INTS9: variants seen among roughly 807,000 people sequenced by gnomAD.
The protein encoded by INTS9 is integrator complex subunit 9.
A neutral mutation model predicts 79.7 loss-of-function variants in INTS9; 55 were observed. The ratio of observed to expected loss-of-function variants is 0.69; its 90% CI spans 0.56 to 0.86. The LOEUF is 0.86. Ranked by LOEUF, INTS9 falls within the 40% of genes least tolerant of loss-of-function variation. The pLI, the probability that INTS9 is intolerant of heterozygous loss-of-function variation, is 0.00. For synonymous variants in INTS9, 319 were observed against 325.2 expected, an observed-to-expected ratio of 0.98 and a Z score of 0.20; for missense variants, 721 against 831.5, an observed-to-expected ratio of 0.87 and a Z score of 1.64.
intron 12 of INTS9, among the ~76,000 whole-genome samples, chr8:28,778,245 C>T (rs1006944026): frequency 4.6e-5 from 7 of 152,274 alleles, no homozygotes; most frequent in Admixed American, 2.0e-4. Flanking sequence ...AAGAAACAAA[C>T]GATGAAATAA....
At position 28,812,334 on chromosome 8, in the gene INTS9, T is replaced by G; in HGVS notation, c.737A>C (p.His246Pro). The G allele has an allele frequency of 3.1e-6, 5 of 1,613,664 alleles. No homozygotes were observed. Among genetic ancestry groups the G allele is most frequent in the Non-Finnish European group, 4.2e-6 (5 of 1,179,844 alleles). ...YVSGSSLLTTHPQPMDQASLK... is the reference protein window; with the variant it reads ...YVSGSSLLTTPPQPMDQASLK... ...AAGAGAATTTGGAATTACCTGGGGGTGTGTGGTAAGCAAGGAGGATCCAGA... is the reference window on the plus strand; with the variant it reads ...AAGAGAATTTGGAATTACCTGGGGGGGTGTGGTAAGCAAGGAGGATCCAGA... The change falls in exon 8 of 17, where the codon CAC becomes CCC. Residue 246 changes from histidine to proline, a missense_variant. Transcript: ENST00000521022.
At chr8:28,805,100 T>C (rs1293002070) in intron 8 of INTS9, among the ~76,000 whole-genome samples, 2 of 152,152 alleles carry the variant, frequency 1.3e-5, no homozygotes, top group African/African-American at 4.8e-5. Flanking sequence ...TTAAAGGAAA[T>C]TGGAAGATCT....
chr8:28,846,960 T>C, intron 3 of INTS9, 151 bp from the exon 4 acceptor site: 1 of 652,344 alleles, frequency 1.5e-6, no homozygotes, highest in Non-Finnish European at 2.7e-6. Context: ...GACTGTCCTA[T>C]GTTTAGGCTT....
At chr8:28,883,488 G>A (rs945489043) in intron 1 of INTS9, among the ~76,000 whole-genome samples, 1 of 152,184 alleles carries the variant, frequency 6.6e-6, no homozygotes, top group Non-Finnish European at 1.5e-5. Context: ...TGGCAAGGGT[G>A]GGGAAAATGC....
At chr8:28,886,590 T>A (rs1810188176) in intron 1 of INTS9, among the ~76,000 whole-genome samples, 1 of 152,222 alleles carries the variant, frequency 6.6e-6, no homozygotes, top group African/African-American at 2.4e-5. Context: ...AGCTAATTTT[T>A]AAAAATAGCC....
At chr8:28,858,291 C>T (rs1808280816) in intron 2 of INTS9, among the ~76,000 whole-genome samples, 1 of 152,152 alleles carries the variant, frequency 6.6e-6, no homozygotes, top group Admixed American at 6.5e-5. Flanking sequence ...CCCTGATAGA[C>T]TAAGTTCCAT....
intron 10 of INTS9, among the ~76,000 whole-genome samples, chr8:28,790,457 A>G (rs187610744): frequency 2.0e-5 from 3 of 152,294 alleles, no homozygotes; most frequent in Admixed American, 2.0e-4. Context: ...CCTCCCGAGT[A>G]GCTGGAACTA....
At chr8:28,805,407 C>T (rs937586084) in intron 8 of INTS9, among the ~76,000 whole-genome samples, 12 of 152,218 alleles carry the variant, frequency 7.9e-5, no homozygotes, top group Admixed American at 7.9e-4. Flanking sequence ...CTTACCACTT[C>T]AAGACCCTCT....
intron 5 of INTS9, 66 bp from the exon 6 acceptor site, chr8:28,835,444 CAG>C: frequency 8.6e-7 from 1 of 1,158,828 alleles, no homozygotes; most frequent in African/African-American, 1.5e-5. Context: ...CATACTCTAA[CAG>C]TTGGCCAGGA....
In INTS9 at chr8:28,850,203, TAGA is replaced by T; in HGVS notation, c.198+7_198+9del. The T allele has an allele frequency of 1.2e-6, 2 of 1,611,084 alleles. No individual in the cohort carries two copies. The highest frequency in any genetic ancestry group is 1.7e-6 in the Non-Finnish European group (2 of 1,177,410). On this transcript the variant is annotated splice_region_variant and intron_variant, in intron 3 of 16. Coordinates refer to ENST00000521022, the MANE Select transcript of INTS9 (RefSeq NM_018250.4). ...GTAGATAGGCTTTAGTTTGTAGTCT[TAGA>T]TATTACCTTGTCCAAGAAAGCATTT...
intron 4 of INTS9, among the ~76,000 whole-genome samples, chr8:28,845,298 G>A (rs1269176978): frequency 6.6e-6 from 1 of 152,164 alleles, no homozygotes; most frequent in Non-Finnish European, 1.5e-5. Flanking sequence ...AGTGAAGACT[G>A]GGCTATAATA....
At chr8:28,806,864 G>T (rs1316962648) in intron 8 of INTS9, among the ~76,000 whole-genome samples, 1 of 152,000 alleles carries the variant, frequency 6.6e-6, no homozygotes, top group Non-Finnish European at 1.5e-5. Context: ...ATGTAACAGA[G>T]TAAAATTATA....
At chr8:28,843,926 G>C (rs529681434) in intron 4 of INTS9, among the ~76,000 whole-genome samples, 6 of 152,162 alleles carry the variant, frequency 3.9e-5, no homozygotes, top group African/African-American at 1.4e-4. Flanking sequence ...CTTCGTATGG[G>C]TCCCATGGTT....
chr8:28,883,637 C>A (rs1047457877), intron 1 of INTS9, among the ~76,000 whole-genome samples: 1 of 152,274 alleles, frequency 6.6e-6, no homozygotes, highest in East Asian at 1.9e-4. Flanking sequence ...TGAGCCTGAG[C>A]CCAAGGGTAT....
chr8:28,866,458 C>T (rs1416647781), intron 1 of INTS9, among the ~76,000 whole-genome samples: 1 of 152,116 alleles, frequency 6.6e-6, no homozygotes, highest in Non-Finnish European at 1.5e-5. Flanking sequence ...ACTCTCAACA[C>T]TCTTAAAGCA....
Position 28,851,358 on chromosome 8 carries a change from T to C in INTS9, c.138-1085A>G, listed in dbSNP as rs923741541. ...AATCTTTTAGAAATGGTGAAAAACC[T>C]GAATAAAATATAAATGCATCTATTT... On this transcript the variant is annotated intron_variant, in intron 2 of 16. Coordinates refer to ENST00000521022, the MANE Select transcript of INTS9 (RefSeq NM_018250.4). 4.6e-5 allele frequency among the ~76,000 whole-genome samples: 7 copies of C among 152,074 alleles called. No homozygotes were observed. The South Asian group carries it at 6.2e-4, about 14-fold the overall frequency.
chr8:28,880,393 C>A (rs1199464469), intron 1 of INTS9, among the ~76,000 whole-genome samples: 3 of 152,078 alleles, frequency 2.0e-5, no homozygotes, highest in Non-Finnish European at 4.4e-5. Flanking sequence ...CGAGTGCCTG[C>A]GATTGCAGGC....
chr8:28,887,617 C>T (rs1810238463), intron 1 of INTS9, among the ~76,000 whole-genome samples: 1 of 152,164 alleles, frequency 6.6e-6, no homozygotes, highest in East Asian at 1.9e-4. Context: ...AAAATTAAAA[C>T]TTTTAGGCCA....
intron 14 of INTS9, among the ~76,000 whole-genome samples, chr8:28,773,575 G>A (rs1390276106): frequency 6.7e-5 from 10 of 149,560 alleles, no homozygotes; most frequent in African/African-American, 1.5e-4. Context: ...TTCTTGAGAC[G>A]GAGTCTCGCT....
Sources: allele counts gnomAD v4.1 joint callset (sites outside exome capture counted in the v4.1 genomes callset), GRCh38; gene constraint gnomAD v4.1.1; transcripts MANE v1.5; gene names NCBI Gene and HGNC (gene_info 2026-07-23, HGNC 2026-07-21).